The following FGF18 variants were observed in gnomAD, a reference collection of about 807,000 sequenced individuals.
The protein encoded by FGF18 is fibroblast growth factor 18.
FGF18 carries 5 observed loss-of-function variants against 23.0 expected under a neutral mutation model. The observed-to-expected ratio is 0.22, with a 90% CI of 0.11 to 0.46. FGF18 has a LOEUF of 0.46. Among genes scored for constraint, FGF18 ranks in the 20% least tolerant of loss-of-function variants. FGF18 has a pLI of 0.99. For synonymous variants in FGF18, 117 were observed against 118.9 expected (o/e 0.98, Z 0.10); for missense variants, 180 against 291.6 (o/e 0.62, Z 2.79).
intron 2 of FGF18, among the ~76,000 whole-genome samples, chr5:171,429,996 A>G (rs1002825481): frequency 4.6e-5 from 7 of 152,346 alleles, no homozygotes; most frequent in Admixed American, 2.0e-4. Flanking sequence ...TTTCTCACCA[A>G]TTCTGTGACA....
intron 3 of FGF18, among the ~76,000 whole-genome samples, chr5:171,448,039 A>T (rs1347118962): frequency 6.6e-6 from 1 of 152,228 alleles, no homozygotes; most frequent in Non-Finnish European, 1.5e-5. Flanking sequence ...GTCACGCAGC[A>T]GCGTACTGGG....
intron 3 of FGF18, among the ~76,000 whole-genome samples, chr5:171,447,323 A>G (rs1772431329): frequency 6.6e-6 from 1 of 152,076 alleles, no homozygotes; most frequent in African/African-American, 2.4e-5. Context: ...TTACGAAGAG[A>G]TGGAGAAAGC....
intron 2 of FGF18, among the ~76,000 whole-genome samples, chr5:171,423,378 TG>T (rs1271543974): frequency 6.6e-6 from 1 of 152,242 alleles, no homozygotes; most frequent in Non-Finnish European, 1.5e-5. Context: ...GGCTGAGCTC[TG>T]ACAATGACAC....
Position 171,456,946 on chromosome 5 carries a change from C to A in FGF18, c.*141C>A. The A allele has an allele frequency of 9.1e-7, 1 of 1,099,342 alleles. No individual in the cohort carries two copies. 68.1% of individuals were successfully genotyped at this position (1,099,342 alleles called of 1,614,324 possible). A position where few individuals can be genotyped will look rare whatever the true frequency, so the allele number is the denominator to read the frequency against. On this transcript the variant is annotated 3_prime_UTR_variant, in exon 5 of 5. Transcript: ENST00000274625. The surrounding 1 kb of genome is among the most constrained non-coding windows in gnomAD (Gnocchi z 6.1). ...TGTTTAAAAGAAGACAAAAACTGAA[C>A]CAAAACTCTTGGGGGGAGGGGTGAT...
intron 2 of FGF18, among the ~76,000 whole-genome samples, chr5:171,429,278 C>A (rs1561885047): frequency 6.6e-6 from 1 of 152,222 alleles, no homozygotes; most frequent in African/African-American, 2.4e-5. Flanking sequence ...GGGCCAGTCC[C>A]GTGGCCTCTC....
At chr5:171,441,184 C>T (rs540288091) in intron 3 of FGF18, among the ~76,000 whole-genome samples, 4 of 152,292 alleles carry the variant, frequency 2.6e-5, no homozygotes, top group Non-Finnish European at 5.9e-5. Flanking sequence ...GCCAGAGGTC[C>T]TTTGGGCTGG....
chr5:171,445,009 A>G (rs1772399201), intron 3 of FGF18, among the ~76,000 whole-genome samples: 1 of 151,946 alleles, frequency 6.6e-6, no homozygotes, highest in Admixed American at 6.6e-5. Flanking sequence ...GGAGCAGGGG[A>G]ATGGGGTAGG....
intron 2 of FGF18, among the ~76,000 whole-genome samples, chr5:171,429,202 G>A (rs1772142637): frequency 6.6e-6 from 1 of 152,232 alleles, no homozygotes; most frequent in Non-Finnish European, 1.5e-5. Flanking sequence ...CCATCCATGG[G>A]AAACTCATGG....
intron 3 of FGF18, among the ~76,000 whole-genome samples, chr5:171,447,994 G>A (rs1391489076): frequency 6.6e-6 from 1 of 152,214 alleles, no homozygotes; most frequent in East Asian, 1.9e-4. Flanking sequence ...CCAGAGAGGA[G>A]AGAGAGCTAA....
chr5:171,443,525 T>TTTTTTG (rs1772376629), intron 3 of FGF18, among the ~76,000 whole-genome samples: 1 of 135,820 alleles, frequency 7.4e-6, no homozygotes, highest in Non-Finnish European at 1.6e-5. Flanking sequence ...TTTTTTTTTT[T>TTTTTTG]TTTTTTTAGC....
At chr5:171,421,550 G>A (rs942816921) in intron 2 of FGF18, among the ~76,000 whole-genome samples, 1 of 151,866 alleles carries the variant, frequency 6.6e-6, no homozygotes, top group African/African-American at 2.4e-5. Flanking sequence ...CTAGCCTTGA[G>A]CACAGGAAAT....
intron 4 of FGF18, among the ~76,000 whole-genome samples, chr5:171,453,605 A>C (rs1481155766): frequency 1.3e-5 from 2 of 152,148 alleles, no homozygotes; most frequent in Non-Finnish European, 2.9e-5. Flanking sequence ...TAGAATCTCC[A>C]TGACCCTGGG....
chr5:171,425,591 C>T (rs967892004), intron 2 of FGF18, among the ~76,000 whole-genome samples: 3 of 135,638 alleles, frequency 2.2e-5, no homozygotes, highest in Non-Finnish European at 4.6e-5. Context: ...AGTGCAGTGG[C>T]GTGATCTCGG....
chr5:171,443,642 G>A (rs1217065425), intron 3 of FGF18, among the ~76,000 whole-genome samples: 5 of 150,884 alleles, frequency 3.3e-5, no homozygotes, highest in South Asian at 4.2e-4. Context: ...GAGCCACCGC[G>A]CCTGGCCTGT....
In FGF18 at chr5:171,420,143, CGCGGAGCGGACAT is replaced by C. The variant is rs1184925534; in HGVS notation, c.-55_-43del. ...CGGCGGAGGCGCCCGGTCCCGGCCGCGCGGAGCGGACATGTGCAGGCTGGGCTAGGAGCCGCCG... is the reference window on the plus strand; with the variant it reads ...CGGCGGAGGCGCCCGGTCCCGGCCGCGTGCAGGCTGGGCTAGGAGCCGCCG... On this transcript the variant is annotated 5_prime_UTR_variant, in exon 1 of 5. It removes an upstream start codon present in the reference 5' UTR. Coordinates refer to ENST00000274625, the MANE Select transcript of FGF18 (RefSeq NM_003862.3). 7.3e-7 allele frequency: 1 copy of C among 1,369,874 alleles called. No individual in the cohort carries two copies. The highest frequency in any genetic ancestry group is 9.4e-7 in the Non-Finnish European group (1 of 1,065,716). 84.9% of individuals were successfully genotyped at this position (1,369,874 alleles called of 1,614,324 possible).
chr5:171,457,488 A>C lies in FGF18; in HGVS notation c.*683A>C, dbSNP rs1357460422. ...TGACCTAGTACACCAATGATAAGGGAATATTTTAAAACCAGCTATATTATA... is the reference window on the plus strand; with the variant it reads ...TGACCTAGTACACCAATGATAAGGGCATATTTTAAAACCAGCTATATTATA... On this transcript the variant is annotated 3_prime_UTR_variant, in exon 5 of 5. Coordinates refer to ENST00000274625, the MANE Select transcript of FGF18 (RefSeq NM_003862.3). 1 of 151,846 alleles carries C rather than the reference A, an allele frequency of 6.6e-6. No homozygotes were observed. The highest frequency in any genetic ancestry group is 1.5e-5 in the Non-Finnish European group (1 of 68,006). 9.4% of individuals were successfully genotyped at this position (151,846 alleles called of 1,614,324 possible). A position where few individuals can be genotyped will look rare whatever the true frequency, so the allele number is the denominator to read the frequency against.
intron 2 of FGF18, among the ~76,000 whole-genome samples, chr5:171,433,453 A>G (rs1392962680): frequency 6.6e-6 from 1 of 152,108 alleles, no homozygotes; most frequent in East Asian, 1.9e-4. Context: ...AGGGCCAGCC[A>G]CCTCCGGAAG....
chr5:171,439,378 G>A (rs891422169), intron 3 of FGF18, among the ~76,000 whole-genome samples: 6 of 152,220 alleles, frequency 3.9e-5, no homozygotes, highest in African/African-American at 1.2e-4. Flanking sequence ...TCTGGAGGGA[G>A]AGCACAGCTG....
At position 171,434,172 on chromosome 5, in the gene FGF18, AAC is replaced by A. The variant is rs537775774; in HGVS notation, c.70-1917_70-1916del. On this transcript the variant is annotated intron_variant, in intron 2 of 4. Coordinates refer to ENST00000274625, the MANE Select transcript of FGF18 (RefSeq NM_003862.3). The surrounding 1 kb of genome is among the most constrained non-coding windows in gnomAD (Gnocchi z 4.6). ...CTGCCCGCAGGGGTGGGGCACAGGA[AAC>A]ACAGTCTTTAGGGTCACAAGGCCTG... Among the ~76,000 whole-genome samples, 26 of 152,334 alleles carry A rather than the reference AAC, an allele frequency of 1.7e-4. No individual in the cohort carries two copies. Among genetic ancestry groups the A allele is most frequent in the African/African-American group, 6.0e-4 (25 of 41,576 alleles).
Sources: allele counts gnomAD v4.1 joint callset (sites outside exome capture counted in the v4.1 genomes callset), GRCh38; gene constraint gnomAD v4.1.1; non-coding constraint Gnocchi (gnomAD v3.1); transcripts MANE v1.5; gene names NCBI Gene and HGNC (gene_info 2026-07-23, HGNC 2026-07-21).